HIVEP3: variants seen among roughly 807,000 people sequenced by gnomAD.
HIVEP3 encodes transcription factor HIVEP3.
Under a neutral mutation model 152.8 loss-of-function variants are expected in HIVEP3, and 49 were observed. The observed-to-expected ratio is 0.32, with a 90% CI of 0.26 to 0.41. The LOEUF (loss-of-function observed/expected upper bound fraction) is 0.41. Among genes scored for constraint, HIVEP3 ranks in the 10% least tolerant of loss-of-function variants. HIVEP3 has a pLI of 1.00. For missense variants in HIVEP3, 2,790 were observed against 3,103.3 expected (o/e 0.90, Z 2.40); for synonymous variants, 1,269 against 1,289.0 (o/e 0.98, Z 0.33).
At chr1:41,711,257 A>G (rs1570370794) in intron 1 of HIVEP3, among the ~76,000 whole-genome samples, 2 of 152,240 alleles carry the variant, frequency 1.3e-5, no homozygotes. Flanking sequence ...GGCAGAGGGT[A>G]CGGGGAGGCC....
In HIVEP3 at chr1:41,772,261, CT is replaced by C. The variant is rs1379150303; in HGVS notation, c.-800-71267del. Among the ~76,000 whole-genome samples, 7 of 152,332 alleles carry C rather than the reference CT, an allele frequency of 4.6e-5. No individual in the cohort carries two copies. The East Asian group carries it at 1.3e-3, about 29-fold the overall frequency. On this transcript the variant is annotated intron_variant, in intron 1 of 8. Coordinates refer to ENST00000372583, the MANE Select transcript of HIVEP3 (RefSeq NM_024503.5). The stretch of plus-strand genomic sequence containing the variant: ...ATTTGCCGTCAACACCTTCCATCTT[CT>C]AATCATGTGGAATCCTGCTGAGAGG...
In HIVEP3 at chr1:41,891,873, G is replaced by A. The variant is rs78612320; in HGVS notation, c.-801+26540C>T. On this transcript the variant is annotated intron_variant, in intron 1 of 8. Coordinates refer to ENST00000372583, the MANE Select transcript of HIVEP3 (RefSeq NM_024503.5). Reference sequence around the variant, plus strand: ...TGTGAAAAGAGATGGCCTTCCAATGGGAAAAGGCAAGGAGTAAAACTCACG... The same window carrying A: ...TGTGAAAAGAGATGGCCTTCCAATGAGAAAAGGCAAGGAGTAAAACTCACG... 9.3e-3 allele frequency among the ~76,000 whole-genome samples: 1,412 copies of A among 152,230 alleles called. 21 individuals are homozygous for A. The highest frequency in any genetic ancestry group is 0.031 in the African/African-American group (1,296 of 41,516).
intron 1 of HIVEP3, among the ~76,000 whole-genome samples, chr1:41,960,443 C>G (rs1645163650): frequency 6.6e-6 from 1 of 152,160 alleles, no homozygotes. Context: ...ATGCTCCCCA[C>G]TCCTCCCCCA....
At chr1:41,946,027 G>A (rs575502009) in intron 1 of HIVEP3, among the ~76,000 whole-genome samples, 1 of 152,092 alleles carries the variant, frequency 6.6e-6, no homozygotes, top group East Asian at 1.9e-4. Flanking sequence ...GGGACAAACG[G>A]GATTAAAAAA....
chr1:41,954,769 T>C (rs1439793449), intron 1 of HIVEP3, among the ~76,000 whole-genome samples: 2 of 152,200 alleles, frequency 1.3e-5, no homozygotes, highest in Non-Finnish European at 2.9e-5. Flanking sequence ...CCAGGGCAGG[T>C]TGCTTCATCG....
At chr1:41,872,070 C>A (rs958076595) in intron 1 of HIVEP3, among the ~76,000 whole-genome samples, 1 of 152,114 alleles carries the variant, frequency 6.6e-6, no homozygotes, top group African/African-American at 2.4e-5. Flanking sequence ...GATATAAAAA[C>A]TTCCATAATG....
At chr1:41,871,964 T>G (rs1644088207) in intron 1 of HIVEP3, among the ~76,000 whole-genome samples, 1 of 152,226 alleles carries the variant, frequency 6.6e-6, no homozygotes, top group Non-Finnish European at 1.5e-5. Context: ...ATAAGTTGTA[T>G]TGAGGTATAA....
chr1:41,697,743 C>G (rs548091226), intron 2 of HIVEP3, among the ~76,000 whole-genome samples: 1 of 152,336 alleles, frequency 6.6e-6, no homozygotes, highest in African/African-American at 2.4e-5. Flanking sequence ...CCATCTCTAT[C>G]CCCACATGCT....
intron 1 of HIVEP3, among the ~76,000 whole-genome samples, chr1:41,795,563 T>G (rs58722416): frequency 0.012 from 1,781 of 152,340 alleles, 30 homozygotes; most frequent in African/African-American, 0.04. Context: ...GGAGGGAATT[T>G]AAGCTCCATC....
At chr1:41,794,738 T>C (rs996011194) in intron 1 of HIVEP3, among the ~76,000 whole-genome samples, 6 of 152,254 alleles carry the variant, frequency 3.9e-5, no homozygotes, top group African/African-American at 1.4e-4. Flanking sequence ...TTAGGCTTTT[T>C]GAATTTCTTT....
At position 41,835,078 on chromosome 1, in the gene HIVEP3, T is replaced by C. The variant is rs145749853; in HGVS notation, c.-801+83335A>G. 2.2e-3 allele frequency among the ~76,000 whole-genome samples: 342 copies of C among 152,286 alleles called. 3 individuals carry two copies. Among genetic ancestry groups the C allele is most frequent in the African/African-American group, 7.8e-3 (325 of 41,550 alleles). On this transcript the variant is annotated intron_variant, in intron 1 of 8. Coordinates refer to ENST00000372583, the MANE Select transcript of HIVEP3 (RefSeq NM_024503.5). ...TGGTGAGGCCATCTGGTTTACATGA[T>C]CTGGGGACCAGAAGGACTAATTCTT...
intron 3 of HIVEP3, among the ~76,000 whole-genome samples, chr1:41,623,758 C>T (rs74069960): frequency 0.049 from 7,401 of 152,294 alleles, 639 homozygotes; most frequent in African/African-American, 0.17. Flanking sequence ...CTCACAAACA[C>T]GGCCCATGCT....
chr1:41,969,594 CTA>C (rs1645218175), intron 1 of HIVEP3, among the ~76,000 whole-genome samples: 1 of 152,084 alleles, frequency 6.6e-6, no homozygotes, highest in Non-Finnish European at 1.5e-5. Flanking sequence ...AAACTCAAAA[CTA>C]TAAAAATTCT....
intron 1 of HIVEP3, among the ~76,000 whole-genome samples, chr1:42,019,223 C>T (rs1001999161): frequency 5.9e-5 from 9 of 152,064 alleles, no homozygotes; most frequent in East Asian, 1.9e-4. Context: ...TGGCTTAACT[C>T]GGCCCTTTTC....
intron 5 of HIVEP3, among the ~76,000 whole-genome samples, chr1:41,573,942 C>T (rs188076784): frequency 3.1e-4 from 47 of 152,246 alleles, no homozygotes; most frequent in African/African-American, 1.0e-3. Flanking sequence ...GATGTTCCCC[C>T]TCCTTCAGCC....
At chr1:41,526,797 GCTCA>G in intron 5 of HIVEP3, among the ~76,000 whole-genome samples, 1 of 70,432 alleles carries the variant, frequency 1.4e-5, no homozygotes, top group Admixed American at 1.4e-4. Context: ...ACCCTCACAC[GCTCA>G]CCCTCACACA....
At chr1:41,545,016 A>ATCG (rs1643695933) in intron 5 of HIVEP3, among the ~76,000 whole-genome samples, 17 of 105,774 alleles carry the variant, frequency 1.6e-4, no homozygotes, top group Non-Finnish European at 2.3e-4. Context: ...CACCACCACC[A>ATCG]CTACCACCAC....
chr1:41,668,347 C>A lies in HIVEP3; in HGVS notation c.-721+32569G>T, dbSNP rs367556001. 1.8e-4 allele frequency among the ~76,000 whole-genome samples: 27 copies of A among 152,212 alleles called. 1 individual carries two copies. Among genetic ancestry groups the A allele is most frequent in the Admixed American group, 1.2e-3 (19 of 15,286 alleles). On this transcript the variant is annotated intron_variant, in intron 2 of 8. Transcript: ENST00000372583. The stretch of plus-strand genomic sequence containing the variant: ...GAGATGAATACGGGAGGGGTGAGGC[C>A]TGGTGCAAAGGCTACTTTCAAAAGC...
intron 1 of HIVEP3, among the ~76,000 whole-genome samples, chr1:41,910,846 T>C (rs1166457593): frequency 2.0e-5 from 3 of 152,030 alleles, no homozygotes; most frequent in Non-Finnish European, 2.9e-5. Flanking sequence ...AGTAGTTCCT[T>C]ATCCTAATAA....
Sources: gnomAD v4.1 joint callset for allele counts (sites outside exome capture counted in the v4.1 genomes callset) on GRCh38, gnomAD v4.1.1 for gene constraint, MANE v1.5 for transcripts, NCBI Gene and HGNC (gene_info 2026-07-23, HGNC 2026-07-21) for gene names.